The following DIMT1 variants were observed in gnomAD, a reference collection of about 807,000 sequenced individuals.
DIMT1 encodes the protein dimethyladenosine transferase.
A neutral mutation model predicts 43.2 loss-of-function variants in DIMT1; 36 were observed. The ratio of observed to expected loss-of-function variants is 0.83; its 90% confidence interval spans 0.64 to 1.10. The LOEUF (loss-of-function observed/expected upper bound fraction) is 1.10. Among genes scored for constraint, DIMT1 ranks in the 50% least tolerant of loss-of-function variants. DIMT1 has a pLI of 0.00. For missense variants in DIMT1, 341 were observed against 385.3 expected (o/e 0.88, Z 0.96); for synonymous variants, 126 against 130.3 (o/e 0.97, Z 0.22).
At chr5:62,398,189 T>C (rs573355244) in intron 6 of DIMT1, among the ~76,000 whole-genome samples, 38 of 152,284 alleles carry the variant, frequency 2.5e-4, no homozygotes, top group African/African-American at 8.4e-4. Context: ...CATGAACTTT[T>C]TGAAGACCTC....
chr5:62,403,206 G>A lies in DIMT1; in HGVS notation c.153+67C>T, dbSNP rs183012202. ...AATTTACGGCAGGCAGACTTTCTGC[G>A]CTTATGTATTCATAGGAATAAAATT... On this transcript the variant is annotated intron_variant, in intron 2 of 11. Transcript: ENST00000199320. 2.6e-3 allele frequency: 3,643 copies of A among 1,392,640 alleles called. 8 individuals carry two copies. The highest frequency in any genetic ancestry group is 3.4e-3 in the Non-Finnish European group (3,368 of 985,346). The allele number at this position is 1,392,640 out of a possible 1,614,324, so 86.3% of individuals were successfully genotyped here.
chr5:62,398,287 T>A (rs567813145), intron 6 of DIMT1: 148 of 501,074 alleles, frequency 3.0e-4, no homozygotes, highest in African/African-American at 2.7e-3. Context: ...GCAGGAAGAT[T>A]CAAAAATAGG....
intron 6 of DIMT1, among the ~76,000 whole-genome samples, chr5:62,398,075 C>A (rs751838359): frequency 2.3e-4 from 35 of 152,120 alleles, no homozygotes; most frequent in Admixed American, 7.2e-4. Flanking sequence ...ATGTCTTATC[C>A]TTCTCAGTGC....
rs1370748869 is a variant in DIMT1, at chr5:62,394,483, C to T, written c.570+1G>A. On this transcript the variant is annotated splice_donor_variant, in intron 7 of 11. Transcript: ENST00000199320. LOFTEE classifies it high-confidence loss of function. ...AGAGAAAGAAAACAAAATTCACTTA[C>T]TTTCATTAGATGGTCCACACGTGCC... is the stretch of plus-strand genomic sequence containing the variant. 6 of 1,613,792 alleles carry T rather than the reference C, an allele frequency of 3.7e-6. No individual in the cohort carries two copies. Among genetic ancestry groups the T allele is most frequent in the Non-Finnish European group, 5.1e-6 (6 of 1,179,940 alleles).
intron 3 of DIMT1, among the ~76,000 whole-genome samples, chr5:62,401,825 C>T (rs935046344): frequency 2.0e-5 from 3 of 152,064 alleles, no homozygotes; most frequent in South Asian, 2.1e-4. Context: ...TCATGATCCA[C>T]CTGCCTCGGC....
chr5:62,393,834 T>C, intron 8 of DIMT1, 121 bp downstream of exon 8: 1 of 854,186 alleles, frequency 1.2e-6, no homozygotes, highest in South Asian at 2.0e-5. Context: ...TGTGTCCTAA[T>C]TAACATTTTC....
intron 4 of DIMT1, 31 bp from the exon 5 acceptor site, chr5:62,398,770 T>A (rs533789607): frequency 1.2e-6 from 2 of 1,613,986 alleles, no homozygotes; most frequent in East Asian, 2.2e-5. Context: ...GTAAAAAGAA[T>A]GTTGTTTCAT....
chr5:62,400,679 T>C (rs1365433790), intron 3 of DIMT1, among the ~76,000 whole-genome samples: 5 of 149,350 alleles, frequency 3.3e-5, no homozygotes, highest in Admixed American at 3.3e-4. Flanking sequence ...CCACAGCTCC[T>C]GGCCCTACTT....
At chr5:62,393,437 C>T (rs1742373889) in intron 8 of DIMT1, among the ~76,000 whole-genome samples, 1 of 151,964 alleles carries the variant, frequency 6.6e-6, no homozygotes, top group Non-Finnish European at 1.5e-5. Flanking sequence ...AAGAACATGG[C>T]GTTTATTTAA....
At chr5:62,395,206 G>A (rs1171094404) in intron 6 of DIMT1, among the ~76,000 whole-genome samples, 4 of 151,916 alleles carry the variant, frequency 2.6e-5, no homozygotes, top group Admixed American at 2.6e-4. Context: ...TCTATTTTTA[G>A]TAGAGACAGT....
At chr5:62,403,445 G>T in intron 1 of DIMT1, 99 bp from the exon 2 acceptor site, 1 of 1,163,574 alleles carries the variant, frequency 8.6e-7, no homozygotes, top group Non-Finnish European at 1.3e-6. Context: ...AGATTTCTGC[G>T]CCAACCAGGG....
chr5:62,393,897 C>T (rs1742390149), intron 8 of DIMT1, 58 bp downstream of exon 8: 2 of 1,483,512 alleles, frequency 1.3e-6, no homozygotes, highest in Non-Finnish European at 1.8e-6. Context: ...TATAGGCACA[C>T]ATCTTCCCGC....
intron 6 of DIMT1, 103 bp from the exon 7 acceptor site, chr5:62,394,710 C>G (rs1742418788): frequency 1.3e-6 from 2 of 1,507,858 alleles, no homozygotes; most frequent in South Asian, 2.5e-5. Flanking sequence ...AAAGCATTGG[C>G]AGCTGATTAT....
chr5:62,399,820 T>C (rs1742637750), intron 3 of DIMT1, among the ~76,000 whole-genome samples: 1 of 151,978 alleles, frequency 6.6e-6, no homozygotes, highest in Admixed American at 6.6e-5. Context: ...GCAGGAGAAT[T>C]GTTTGAACCA....
intron 3 of DIMT1, among the ~76,000 whole-genome samples, chr5:62,399,643 CAA>C (rs769268284): frequency 6.0e-5 from 6 of 100,314 alleles, no homozygotes; most frequent in Admixed American, 1.1e-4. Flanking sequence ...GACTCCATCT[CAA>C]AAAAAAAAAA....
intron 11 of DIMT1, among the ~76,000 whole-genome samples, chr5:62,389,453 T>C (rs1020840863): frequency 1.6e-5 from 2 of 126,832 alleles, no homozygotes; most frequent in Non-Finnish European, 3.1e-5. Context: ...GCCACTGGAG[T>C]CCAGCCTGGG....
rs1436761341 is a variant in DIMT1, at chr5:62,394,470, CAA to C, written c.570+12_570+13del. 6.2e-7 allele frequency: 1 copy of C among 1,613,616 alleles called. No homozygotes were observed. The highest frequency in any genetic ancestry group is 8.5e-7 in the Non-Finnish European group (1 of 1,179,704). ...TATCTCAGAAAAAAGAGAAAGAAAACAAAATTCACTTACTTTCATTAGATGGT... is the reference window on the plus strand; with the variant it reads ...TATCTCAGAAAAAAGAGAAAGAAAACAATTCACTTACTTTCATTAGATGGT... On this transcript the variant is annotated intron_variant, in intron 7 of 11. Coordinates refer to ENST00000199320, the MANE Select transcript of DIMT1 (RefSeq NM_014473.4).
intron 9 of DIMT1, 55 bp downstream of exon 9, chr5:62,392,871 G>C: frequency 6.4e-6 from 8 of 1,253,420 alleles, no homozygotes; most frequent in Non-Finnish European, 9.2e-6. Flanking sequence ...CCAAATTCTA[G>C]CATAGTATCT....
intron 2 of DIMT1, 88 bp from the exon 3 acceptor site, chr5:62,402,210 C>G: frequency 7.7e-7 from 1 of 1,301,658 alleles, no homozygotes; most frequent in Non-Finnish European, 1.1e-6. Flanking sequence ...CTCATATGTG[C>G]TCCGATAAGA....
Sources: allele counts gnomAD v4.1 joint callset (sites outside exome capture counted in the v4.1 genomes callset), GRCh38; gene constraint gnomAD v4.1.1; transcripts MANE v1.5; gene names NCBI Gene and HGNC (gene_info 2026-07-23, HGNC 2026-07-21).